Variants in MT2A observed in about 807,000 individuals in gnomAD.
MT2A encodes metallothionein 2A, also known as metallothionein-2.
Under a neutral mutation model 9.9 loss-of-function variants are expected in MT2A, and 6 were observed. That is an observed-to-expected ratio of 0.61 (90% CI 0.33 to 1.20). MT2A has a LOEUF of 1.20. MT2A is among the 50% of genes most tolerant of loss of function. MT2A has a pLI of 0.04. For synonymous variants in MT2A, 27 were observed against 28.7 expected, an observed-to-expected ratio of 0.94 and a Z score of 0.18; for missense variants, 57 against 78.2, an observed-to-expected ratio of 0.73 and a Z score of 1.02.
chr16:56,609,314 T>A lies in MT2A; in HGVS notation c.146T>A (p.Ile49Asn), dbSNP rs1484457296. Residue 49 changes from isoleucine to asparagine, a missense_variant, in exon 3 of 3, where the codon ATC becomes AAC. Coordinates refer to ENST00000245185, the MANE Select transcript of MT2A (RefSeq NM_005953.5). The stretch of plus-strand genomic sequence containing the variant: ...TGTGCCAAGTGTGCCCAGGGCTGCA[T>A]CTGCAAAGGGGCGTCGGACAAGTGC... ...VGCAKCAQGC[I>N]CKGASDKCSC... 2 of 1,614,078 alleles carry A rather than the reference T, an allele frequency of 1.2e-6. No homozygotes were observed. Among genetic ancestry groups the A allele is most frequent in the Non-Finnish European group, 1.7e-6 (2 of 1,180,050 alleles).
chr16:56,609,171 T>C (rs1960003261), intron 2 of MT2A, 92 bp from the exon 3 acceptor site: 1 of 1,612,058 alleles, frequency 6.2e-7, no homozygotes, highest in Non-Finnish European at 8.5e-7. Flanking sequence ...GCGGAAATTG[T>C]TGCCTCCTCA....
chr16:56,608,995 A>T lies in MT2A; in HGVS notation c.32A>T (p.Asp11Val), dbSNP rs1959999727. The T allele has an allele frequency of 1.9e-6, 3 of 1,613,304 alleles. No homozygotes were observed. Among genetic ancestry groups the T allele is most frequent in the Non-Finnish European group, 2.5e-6 (3 of 1,179,800 alleles). The change falls in exon 2 of 3, where the codon GAC (aspartate) becomes GTC (valine). Residue 11 changes from aspartate to valine, a missense_variant. By Grantham distance (152) the Asp-to-Val change is radical (BLOSUM62 -3). Transcript: ENST00000245185. MDPNCSCAAG[D>V]SCTCAGSCKC... The stretch of plus-strand genomic sequence containing the variant: ...CCTCTGTCTTTTCTCCTTGCAGGTG[A>T]CTCCTGCACCTGCGCCGGCTCCTGC...
At chr16:56,608,917 C>T (rs1272240012) in intron 1 of MT2A, 75 bp from the exon 2 acceptor site, 2 of 1,545,382 alleles carry the variant, frequency 1.3e-6, no homozygotes, top group East Asian at 2.2e-5. Context: ...AGGAACTCGG[C>T]CCCGGGCTCT....
chr16:56,609,030 G>A lies in MT2A; in HGVS notation c.67G>A (p.Glu23Lys). The A allele has an allele frequency of 6.2e-7, 1 of 1,614,200 alleles. No homozygotes were observed. The highest frequency in any genetic ancestry group is 8.5e-7 in the Non-Finnish European group (1 of 1,180,032). The change falls in exon 2 of 3, where the codon GAG becomes AAG. Residue 23 changes from glutamate to lysine, a missense_variant. Transcript: ENST00000245185. The part of the protein sequence containing the change: ...CTCAGSCKCK[E>K]CKCTSCKKSC... ...CTGCGCCGGCTCCTGCAAATGCAAA[G>A]AGTGCAAATGCACCTCCTGCAAGAA...
In MT2A at chr16:56,609,347, G is replaced by A. The variant is rs999350946; in HGVS notation, c.179G>A (p.Cys60Tyr). The A allele has an allele frequency of 7.4e-6, 12 of 1,613,984 alleles. No individual in the cohort carries two copies. The highest frequency in any genetic ancestry group is 1.0e-5 in the Non-Finnish European group (12 of 1,179,980). The change falls in exon 3 of 3, where the codon TGC becomes TAC. Residue 60 changes from cysteine (C) to tyrosine (Y), a missense_variant. Coordinates refer to ENST00000245185, the MANE Select transcript of MT2A (RefSeq NM_005953.5). ...GGGGCGTCGGACAAGTGCAGCTGCT[G>A]CGCCTGATGCTGGGACAGCCCCGCT... ...CKGASDKCSC[C>Y]A
In MT2A at chr16:56,609,408, A is replaced by AT. The variant is rs1228056285; in HGVS notation, c.*60dup. 17 of 1,603,600 alleles carry AT rather than the reference A, an allele frequency of 1.1e-5. No homozygotes were observed. In the South Asian group the frequency reaches 1.3e-4, roughly 13 times the overall value. Reference sequence around the variant, plus strand: ...AAGAACGCGACTTCCACAAACCTGGATTTTTTATGTACAACCCTGACCGTG... The same window carrying AT: ...AAGAACGCGACTTCCACAAACCTGGATTTTTTTATGTACAACCCTGACCGTG... On this transcript the variant is annotated 3_prime_UTR_variant, in exon 3 of 3. Coordinates refer to ENST00000245185, the MANE Select transcript of MT2A (RefSeq NM_005953.5).
Position 56,609,067 on chromosome 16 carries a change from A to T in MT2A, c.94+10A>T, listed in dbSNP as rs1960001154. The T allele has an allele frequency of 1.2e-6, 2 of 1,614,150 alleles. No individual in the cohort carries two copies. Among genetic ancestry groups the T allele is most frequent in the Non-Finnish European group, 1.7e-6 (2 of 1,180,002 alleles). On this transcript the variant is annotated intron_variant, in intron 2 of 2. Coordinates refer to ENST00000245185, the MANE Select transcript of MT2A (RefSeq NM_005953.5). ...ACCTCCTGCAAGAAAAGTAAGTGGG[A>T]TCCTCTCTTTCCTCTACCCCTTCCC...
At position 56,609,010 on chromosome 16, in the gene MT2A, C is replaced by T. The variant is rs1171616553; in HGVS notation, c.47C>T (p.Ala16Val). The T allele has an allele frequency of 2.5e-6, 4 of 1,614,082 alleles. No individual in the cohort carries two copies. The African/African-American group carries it at 4.0e-5, about 16-fold the overall frequency. Reference sequence around the variant, plus strand: ...CTTGCAGGTGACTCCTGCACCTGCGCCGGCTCCTGCAAATGCAAAGAGTGC... The same window carrying T: ...CTTGCAGGTGACTCCTGCACCTGCGTCGGCTCCTGCAAATGCAAAGAGTGC... ...SCAAGDSCTC[A>V]GSCKCKECKC... Residue 16 changes from alanine to valine, a missense_variant, in exon 2 of 3, where the codon GCC becomes GTC. Transcript: ENST00000245185.
rs761154691 is a variant in MT2A at position 56,608,956 on chromosome 16, A to G, written c.29-36A>G. The G allele has an allele frequency of 2.5e-6, 4 of 1,612,122 alleles. No individual in the cohort carries two copies. In the East Asian group the frequency reaches 8.9e-5, roughly 36 times the overall value. On this transcript the variant is annotated intron_variant, in intron 1 of 2. Coordinates refer to ENST00000245185, the MANE Select transcript of MT2A (RefSeq NM_005953.5). ...TACGCCGTCCCTTGTTCAGGTATCC[A>G]GGGACGGTTCTCACCTCTGTCTTTT...
chr16:56,608,636 A>G lies in MT2A; in HGVS notation c.-20A>G, dbSNP rs1319895248. The G allele has an allele frequency of 5.6e-6, 9 of 1,614,078 alleles. No individual in the cohort carries two copies. The highest frequency in any genetic ancestry group is 1.3e-5 in the African/African-American group (1 of 74,946). On this transcript the variant is annotated 5_prime_UTR_variant, in exon 1 of 3. Coordinates refer to ENST00000245185, the MANE Select transcript of MT2A (RefSeq NM_005953.5). ...CCCGCGTGCAACCTGTCCCGACTCT[A>G]GCCGCCTCTTCAGCTCGCCATGGAT...
rs748340093 is a variant in MT2A at position 56,609,053 on chromosome 16, G to A, written c.90G>A (p.Lys30=). 8 of 1,614,222 alleles carry A rather than the reference G, an allele frequency of 5.0e-6. No individual in the cohort carries two copies. The African/African-American group carries it at 8.0e-5, about 16-fold the overall frequency. The change falls in exon 2 of 3, where the codon AAG becomes AAA. Residue 30 remains lysine, a synonymous_variant. Transcript: ENST00000245185. ...KCKECKCTSC[K]KSCCSCCPVG... ...AAGAGTGCAAATGCACCTCCTGCAA[G>A]AAAAGTAAGTGGGATCCTCTCTTTC... is the stretch of plus-strand genomic sequence containing the variant.
In MT2A at chr16:56,609,262, G is replaced by C. The variant is rs759507791; in HGVS notation, c.95-1G>C. ...CTCTGCCGCCTCCTGTCTGCCCCCAGGCTGCTGCTCCTGCTGCCCTGTGGG... is the reference window on the plus strand; with the variant it reads ...CTCTGCCGCCTCCTGTCTGCCCCCACGCTGCTGCTCCTGCTGCCCTGTGGG... On this transcript the variant is annotated splice_acceptor_variant, in intron 2 of 2. Coordinates refer to ENST00000245185, the MANE Select transcript of MT2A (RefSeq NM_005953.5). LOFTEE classifies it high-confidence loss of function. 1.9e-6 allele frequency: 3 copies of C among 1,614,162 alleles called. No homozygotes were observed. The highest frequency in any genetic ancestry group is 2.2e-5 in the South Asian group (2 of 91,080).
In MT2A at chr16:56,609,030, G is replaced by C. The variant is rs759386798; in HGVS notation, c.67G>C (p.Glu23Gln). ...CTGCGCCGGCTCCTGCAAATGCAAAGAGTGCAAATGCACCTCCTGCAAGAA... is the reference window on the plus strand; with the variant it reads ...CTGCGCCGGCTCCTGCAAATGCAAACAGTGCAAATGCACCTCCTGCAAGAA... Reference protein sequence around the residue: ...CTCAGSCKCKECKCTSCKKSC... With the variant: ...CTCAGSCKCKQCKCTSCKKSC... Residue 23 changes from glutamate to glutamine, a missense_variant, in exon 2 of 3, where the codon GAG becomes CAG. Coordinates refer to ENST00000245185, the MANE Select transcript of MT2A (RefSeq NM_005953.5). 2 of 1,614,200 alleles carry C rather than the reference G, an allele frequency of 1.2e-6. No homozygotes were observed. Among genetic ancestry groups the C allele is most frequent in the Non-Finnish European group, 1.7e-6 (2 of 1,180,032 alleles).
intron 2 of MT2A, 76 bp downstream of exon 2, chr16:56,609,133 T>A: frequency 6.2e-7 from 1 of 1,610,648 alleles, no homozygotes; most frequent in South Asian, 1.1e-5. Flanking sequence ...CTCAGGGGAA[T>A]TAAAGCAGTC....
intron 1 of MT2A, 154 bp downstream of exon 1, chr16:56,608,837 C>A: frequency 1.5e-6 from 2 of 1,317,376 alleles, no homozygotes; most frequent in Non-Finnish European, 2.1e-6. Context: ...TTATTCGGAG[C>A]CCCCTTTTTA....
At chr16:56,608,892 A>G (rs1959998257) in intron 1 of MT2A, 100 bp from the exon 2 acceptor site, 1 of 1,421,150 alleles carries the variant, frequency 7.0e-7, no homozygotes, top group African/African-American at 1.4e-5. Context: ...GTTCCCAGGA[A>G]TCGGTTGTGG....
In MT2A at chr16:56,609,026, C is replaced by A. The variant is rs1472233497; in HGVS notation, c.63C>A (p.Cys21Ter). The A allele has an allele frequency of 6.2e-7, 1 of 1,614,254 alleles. No homozygotes were observed. Among genetic ancestry groups the A allele is most frequent in the Non-Finnish European group, 8.5e-7 (1 of 1,180,046 alleles). ...DSCTCAGSCKCKECKCTSCKK... is the reference protein window; with the variant it reads ...DSCTCAGSCK ...GCACCTGCGCCGGCTCCTGCAAATGCAAAGAGTGCAAATGCACCTCCTGCA... is the reference window on the plus strand; with the variant it reads ...GCACCTGCGCCGGCTCCTGCAAATGAAAAGAGTGCAAATGCACCTCCTGCA... Residue 21 changes from cysteine (C) to a stop codon, truncating the protein, a stop_gained, in exon 2 of 3, where the codon TGC becomes TGA. Transcript: ENST00000245185. LOFTEE classifies it high-confidence loss of function.
chr16:56,608,714 G>A (rs756184974), intron 1 of MT2A, 31 bp downstream of exon 1: 2 of 1,613,990 alleles, frequency 1.2e-6, no homozygotes, highest in African/African-American at 2.7e-5. Flanking sequence ...AGTGTAGACT[G>A]TAGCGCTAGA....
At position 56,608,655 on chromosome 16, in the gene MT2A, C is replaced by T; in HGVS notation, c.-1C>T. On this transcript the variant is annotated 5_prime_UTR_variant, in exon 1 of 3. Transcript: ENST00000245185. ...GACTCTAGCCGCCTCTTCAGCTCGC[C>T]ATGGATCCCAACTGCTCCTGCGCCG... 6.2e-7 allele frequency: 1 copy of T among 1,614,244 alleles called. No individual in the cohort carries two copies. The highest frequency in any genetic ancestry group is 8.5e-7 in the Non-Finnish European group (1 of 1,180,034).
Sources: allele counts gnomAD v4.1 joint callset, GRCh38; gene constraint gnomAD v4.1.1; transcripts MANE v1.5; gene names NCBI Gene and HGNC (gene_info 2026-07-23, HGNC 2026-07-21).